UBAC2: variants seen among roughly 807,000 people sequenced by gnomAD.
UBAC2 encodes ubiquitin-associated domain-containing protein 2.
In UBAC2, 26 loss-of-function variants were observed where a neutral mutation model predicts 44.0. That is an observed-to-expected ratio of 0.59 (90% CI 0.43 to 0.82). The LOEUF (loss-of-function observed/expected upper bound fraction) is 0.82, where lower values mean the gene tolerates loss of function less well. Among genes scored for constraint, UBAC2 ranks in the 40% least tolerant of loss-of-function variants. The pLI is 0.00. For missense variants in UBAC2, 329 were observed against 419.4 expected (o/e 0.78, Z 1.88); for synonymous variants, 155 against 154.3 (o/e 1.00, Z -0.04).
At chr13:99,250,627 A>G (rs2043446457) in intron 4 of UBAC2, among the ~76,000 whole-genome samples, 1 of 152,174 alleles carries the variant, frequency 6.6e-6, no homozygotes, top group Non-Finnish European at 1.5e-5. Flanking sequence ...GTGGTTTGCT[A>G]GGAATAGCCT....
At chr13:99,281,937 C>T (rs2043959653) in intron 4 of UBAC2, among the ~76,000 whole-genome samples, 2 of 152,040 alleles carry the variant, frequency 1.3e-5, no homozygotes, top group South Asian at 2.1e-4. Context: ...TTTAAAAGGG[C>T]GTGTAAGCTG....
intron 4 of UBAC2, among the ~76,000 whole-genome samples, chr13:99,312,121 G>GCCATT (rs1269350313): frequency 1.3e-5 from 2 of 152,152 alleles, no homozygotes; most frequent in African/African-American, 4.8e-5. Context: ...TGTGTGTGTT[G>GCCATT]TATTTTGGTT....
At chr13:99,255,491 A>C in intron 4 of UBAC2, 1 of 1,614,154 alleles carries the variant, frequency 6.2e-7, no homozygotes, top group Non-Finnish European at 8.5e-7. Flanking sequence ...TCTTTGGCGT[A>C]CTTCGGCTGT....
intron 7 of UBAC2, chr13:99,356,115 A>C: frequency 1.9e-6 from 1 of 526,652 alleles, no homozygotes; most frequent in Non-Finnish European, 3.9e-6. Flanking sequence ...GACTTGGGAC[A>C]CATGTCTGTC....
At chr13:99,353,773 C>T (rs2045133051) in intron 7 of UBAC2, among the ~76,000 whole-genome samples, 2 of 152,146 alleles carry the variant, frequency 1.3e-5, no homozygotes, top group Admixed American at 6.5e-5. Flanking sequence ...CAGAAAAAAG[C>T]TCTTAATGAG....
intron 4 of UBAC2, among the ~76,000 whole-genome samples, chr13:99,280,479 C>T (rs1199787594): frequency 6.6e-6 from 1 of 152,162 alleles, no homozygotes; most frequent in Non-Finnish European, 1.5e-5. Flanking sequence ...TCCACGAAAC[C>T]CTGCTCCAGC....
chr13:99,200,922 C>G lies in UBAC2; in HGVS notation c.14C>G (p.Thr5Ser), dbSNP rs1439678169. Residue 5 changes from threonine (T) to serine (S), a missense_variant, in exon 1 of 9, where the codon ACC becomes AGC. By Grantham distance (58) the Thr-to-Ser change is moderately conservative. Transcript: ENST00000403766. The stretch of plus-strand genomic sequence containing the variant: ...CCCGGCGGGACCATGTTCACCAGCA[C>G]CGGCTCCAGTGGGCTCTGTGAGTAC... MFTS[T>S]GSSGLYKAPL... The G allele has an allele frequency of 4.6e-6, 6 of 1,306,692 alleles. No individual in the cohort carries two copies. The East Asian group carries it at 1.1e-4, about 25-fold the overall frequency. The allele number at this position is 1,306,692 out of a possible 1,614,324, so 80.9% of individuals were successfully genotyped here.
intron 1 of UBAC2, among the ~76,000 whole-genome samples, chr13:99,208,185 C>T (rs530303056): frequency 1.6e-4 from 25 of 151,984 alleles, no homozygotes; most frequent in Middle Eastern, 3.4e-3. Context: ...TTAGTAGAGA[C>T]GGGGTTTCTC....
In UBAC2 at chr13:99,316,418, G is replaced by GATGA. The variant is rs764363585; in HGVS notation, c.514-1582_514-1579dup. Among the ~76,000 whole-genome samples, 419 of 148,528 alleles carry GATGA rather than the reference G, an allele frequency of 2.8e-3. 5 individuals are homozygous for GATGA. The highest frequency in any genetic ancestry group is 4.4e-3 in the African/African-American group (180 of 41,190). On this transcript the variant is annotated intron_variant, in intron 5 of 8. Coordinates refer to ENST00000403766, the MANE Select transcript of UBAC2 (RefSeq NM_001144072.2). ...ACATTGTTGAATGAATGAATGAATGGATGAATGAATGAATGAATGAATGAA... is the reference window on the plus strand; with the variant it reads ...ACATTGTTGAATGAATGAATGAATGGATGAATGAATGAATGAATGAATGAATGAA...
chr13:99,254,299 A>G (rs1184631940), intron 4 of UBAC2, among the ~76,000 whole-genome samples: 1 of 152,232 alleles, frequency 6.6e-6, no homozygotes, highest in Non-Finnish European at 1.5e-5. Flanking sequence ...GGTGCATAGT[A>G]GGCTCTCAGT....
chr13:99,201,124 C>T (rs893775994), intron 1 of UBAC2, 185 bp downstream of exon 1: 2 of 1,354,596 alleles, frequency 1.5e-6, no homozygotes, highest in Non-Finnish European at 1.9e-6. Context: ...CCATTTCGGC[C>T]TGGAGGGGCG....
rs376236253 is a variant in UBAC2 at position 99,266,970 on chromosome 13, C to T, written c.389+22346C>T. On this transcript the variant is annotated intron_variant, in intron 4 of 8. Transcript: ENST00000403766. ...TTTTCCCCAGCAGCTGCACCAGCAACACAATGCCCAGTTTCTCCCTATCTT... is the reference window on the plus strand; with the variant it reads ...TTTTCCCCAGCAGCTGCACCAGCAATACAATGCCCAGTTTCTCCCTATCTT... 1.4e-3 allele frequency among the ~76,000 whole-genome samples: 208 copies of T among 152,310 alleles called. 2 individuals are homozygous for T. Among genetic ancestry groups the T allele is most frequent in the African/African-American group, 4.9e-3 (203 of 41,560 alleles).
At chr13:99,240,697 G>C (rs562186807) in intron 2 of UBAC2, among the ~76,000 whole-genome samples, 42 of 152,188 alleles carry the variant, frequency 2.8e-4, no homozygotes, top group Middle Eastern at 6.8e-3. Context: ...GTGTGACTCC[G>C]GTACTGTTTC....
At chr13:99,267,935 C>T (rs939501637) in intron 4 of UBAC2, among the ~76,000 whole-genome samples, 2 of 152,164 alleles carry the variant, frequency 1.3e-5, no homozygotes. Flanking sequence ...GGCTCTGTAC[C>T]GGTAAGTCGT....
At position 99,318,019 on chromosome 13, in the gene UBAC2, T is replaced by C; in HGVS notation, c.514-3T>C. 6.2e-7 allele frequency: 1 copy of C among 1,605,560 alleles called. No individual in the cohort carries two copies. Among genetic ancestry groups the C allele is most frequent in the South Asian group, 1.1e-5 (1 of 88,340 alleles). ...TTAGTTGCCTTTTTTTTTTCTTTTATAGCTTTTCACCTCTGGTTCCTACAT... is the reference window on the plus strand; with the variant it reads ...TTAGTTGCCTTTTTTTTTTCTTTTACAGCTTTTCACCTCTGGTTCCTACAT... On this transcript the variant is annotated splice_region_variant and splice_polypyrimidine_tract_variant and intron_variant, in intron 5 of 8. Transcript: ENST00000403766.
chr13:99,348,151 G>A (rs1041731138), intron 7 of UBAC2, among the ~76,000 whole-genome samples: 2 of 152,188 alleles, frequency 1.3e-5, no homozygotes, highest in African/African-American at 4.8e-5. Flanking sequence ...TTCATCCCCA[G>A]TAGAATATGA....
rs771435262 is a variant in UBAC2 at position 99,255,125 on chromosome 13, T to G, written c.389+10501T>G. The G allele has an allele frequency of 7.4e-6, 12 of 1,613,932 alleles. No individual in the cohort carries two copies. In the Admixed American group the frequency reaches 1.8e-4, roughly 25 times the overall value. On this transcript the variant is annotated intron_variant, in intron 4 of 8. Coordinates refer to ENST00000403766, the MANE Select transcript of UBAC2 (RefSeq NM_001144072.2). ...CCCAGCATCAGGAAAGCGAAACAGA[T>G]GTGGAAGGGCATAAAGCAGACGAGC...
chr13:99,248,271 T>C (rs2043413576), intron 4 of UBAC2, among the ~76,000 whole-genome samples: 1 of 152,134 alleles, frequency 6.6e-6, no homozygotes. Flanking sequence ...TGCCCAGGCC[T>C]AGAGTACAGT....
At chr13:99,371,916 C>T (rs900308440) in intron 8 of UBAC2, among the ~76,000 whole-genome samples, 1 of 152,178 alleles carries the variant, frequency 6.6e-6, no homozygotes, top group Admixed American at 6.5e-5. Context: ...AAATCTTTTG[C>T]CACCTTTTCT....
Sources: gnomAD v4.1 joint callset for allele counts (sites outside exome capture counted in the v4.1 genomes callset) on GRCh38, gnomAD v4.1.1 for gene constraint, MANE v1.5 for transcripts, NCBI Gene and HGNC (gene_info 2026-07-23, HGNC 2026-07-21) for gene names.